Variants in ST6GALNAC3 observed in about 807,000 individuals in gnomAD.
ST6GALNAC3 encodes alpha-N-acetylgalactosaminide alpha-2,6-sialyltransferase 3.
ST6GALNAC3 carries 25 observed loss-of-function variants against 32.7 expected under a neutral mutation model. That is an observed-to-expected ratio of 0.76 (90% CI 0.56 to 1.07). ST6GALNAC3 has a LOEUF of 1.07. Among genes scored for constraint, ST6GALNAC3 ranks in the 50% least tolerant of loss-of-function variants. The pLI is 0.00. For synonymous variants in ST6GALNAC3, 129 were observed against 133.1 expected, an observed-to-expected ratio of 0.97 and a Z score of 0.21; for missense variants, 355 against 382.4, an observed-to-expected ratio of 0.93 and a Z score of 0.60.
rs1257086285 is a variant in ST6GALNAC3, at chr1:76,509,810, T to C, written c.623+97393T>C. 6.6e-6 allele frequency among the ~76,000 whole-genome samples: 1 copy of C among 152,138 alleles called. No homozygotes were observed. The highest frequency in any genetic ancestry group is 1.5e-5 in the Non-Finnish European group (1 of 68,022). On this transcript the variant is annotated intron_variant, in intron 3 of 4. Coordinates refer to ENST00000328299, the MANE Select transcript of ST6GALNAC3 (RefSeq NM_152996.4). The surrounding 1 kb of genome is among the most constrained non-coding windows in gnomAD (Gnocchi z 5.5). ...CACATATCTTTTCCTCACATTGCTG[T>C]TTCTCTATTTCTCTTTTAAGGACCC...
intron 1 of ST6GALNAC3, among the ~76,000 whole-genome samples, chr1:76,285,262 G>C (rs760967357): frequency 6.6e-6 from 1 of 152,182 alleles, no homozygotes; most frequent in African/African-American, 2.4e-5. Context: ...TCTGTGAGAA[G>C]TAAAAGAATG....
At chr1:76,361,716 T>C (rs892230725) in intron 2 of ST6GALNAC3, among the ~76,000 whole-genome samples, 6 of 152,148 alleles carry the variant, frequency 3.9e-5, no homozygotes, top group Non-Finnish European at 4.4e-5. Context: ...TGGTGGCTTA[T>C]GCCTGTAATC....
chr1:76,611,304 A>G (rs542265087), intron 3 of ST6GALNAC3, among the ~76,000 whole-genome samples: 2 of 152,172 alleles, frequency 1.3e-5, no homozygotes, highest in East Asian at 3.9e-4. Context: ...AGTGTTCTCT[A>G]TTTGTTTCTT....
At chr1:76,391,564 C>A (rs1652560368) in intron 2 of ST6GALNAC3, among the ~76,000 whole-genome samples, 1 of 146,454 alleles carries the variant, frequency 6.8e-6, no homozygotes, top group Non-Finnish European at 1.5e-5. Context: ...TCCTTCCTTC[C>A]TTCCTTCCTC....
chr1:76,442,572 A>G (rs909004759), intron 3 of ST6GALNAC3, among the ~76,000 whole-genome samples: 18 of 152,178 alleles, frequency 1.2e-4, no homozygotes, highest in African/African-American at 4.1e-4. Flanking sequence ...GGAAAAAAGT[A>G]TTAGGTACTT....
At chr1:76,408,714 A>G (rs1654007793) in intron 2 of ST6GALNAC3, among the ~76,000 whole-genome samples, 1 of 151,714 alleles carries the variant, frequency 6.6e-6, no homozygotes, top group South Asian at 2.1e-4. Context: ...AGGAAATCCA[A>G]TGTAATTTGC....
intron 2 of ST6GALNAC3, among the ~76,000 whole-genome samples, chr1:76,381,466 G>T (rs572759685): frequency 6.6e-6 from 1 of 152,136 alleles, no homozygotes; most frequent in African/African-American, 2.4e-5. Flanking sequence ...CTATTATTTA[G>T]TGATGTCTGC....
downstream of ST6GALNAC3, chr1:76,636,877 C>G (rs1313317842): frequency 6.6e-6 from 1 of 152,188 alleles, no homozygotes; most frequent in African/African-American, 2.4e-5. Context: ...CCAATGTTTA[C>G]CTTCTTTCAG....
chr1:76,566,970 A>G (rs1319647837), intron 3 of ST6GALNAC3, among the ~76,000 whole-genome samples: 1 of 152,156 alleles, frequency 6.6e-6, no homozygotes, highest in African/African-American at 2.4e-5. Flanking sequence ...GTGAATTCCA[A>G]ACAGTTGGCC....
chr1:76,484,398 T>A (rs2101667291), intron 3 of ST6GALNAC3, among the ~76,000 whole-genome samples: 1 of 152,348 alleles, frequency 6.6e-6, no homozygotes, highest in South Asian at 2.1e-4. Context: ...TTTATTTCGT[T>A]GAGCAGTGGT....
chr1:76,621,211 A>T (rs527425882), intron 3 of ST6GALNAC3, among the ~76,000 whole-genome samples: 1 of 152,040 alleles, frequency 6.6e-6, no homozygotes, highest in Non-Finnish European at 1.5e-5. Flanking sequence ...TTCACAGTCC[A>T]AGTGCCTACT....
chr1:76,287,055 A>G (rs1363417699), intron 1 of ST6GALNAC3, among the ~76,000 whole-genome samples: 1 of 151,454 alleles, frequency 6.6e-6, no homozygotes, highest in Non-Finnish European at 1.5e-5. Context: ...GAAGAAATTG[A>G]TGATAACTTT....
intron 1 of ST6GALNAC3, among the ~76,000 whole-genome samples, chr1:76,085,209 TA>T (rs2100732801): frequency 6.6e-6 from 1 of 152,366 alleles, no homozygotes; most frequent in Non-Finnish European, 1.5e-5. Context: ...TTATTCACCA[TA>T]TCTGCTTTCA....
chr1:76,408,297 A>T (rs1653976380), intron 2 of ST6GALNAC3, among the ~76,000 whole-genome samples: 1 of 152,088 alleles, frequency 6.6e-6, no homozygotes, highest in Admixed American at 6.6e-5. Flanking sequence ...GGCTAGGCAA[A>T]ACTATTACCC....
chr1:76,288,992 C>T (rs1659931337), intron 1 of ST6GALNAC3, among the ~76,000 whole-genome samples: 1 of 152,226 alleles, frequency 6.6e-6, no homozygotes, highest in Middle Eastern at 3.2e-3. Context: ...CAAAGTACGT[C>T]TCATGCCATT....
intron 2 of ST6GALNAC3, among the ~76,000 whole-genome samples, chr1:76,368,884 C>A (rs373301596): frequency 6.6e-6 from 1 of 152,120 alleles, no homozygotes; most frequent in African/African-American, 2.4e-5. Flanking sequence ...GCCATTTGGG[C>A]AGTCTGTGTC....
intron 3 of ST6GALNAC3, among the ~76,000 whole-genome samples, chr1:76,508,252 C>A (rs1661603569): frequency 7.9e-5 from 12 of 152,128 alleles, no homozygotes; most frequent in Admixed American, 7.9e-4. Context: ...AGGATTCGTG[C>A]TCCTGTGAGA....
chr1:76,531,387 G>C (rs994617118), intron 3 of ST6GALNAC3, among the ~76,000 whole-genome samples: 2 of 152,036 alleles, frequency 1.3e-5, no homozygotes, highest in African/African-American at 4.8e-5. Context: ...AAACATCACG[G>C]GAACTACACT....
Position 76,412,078 on chromosome 1 carries a change from G to C in ST6GALNAC3, c.284G>C (p.Gly95Ala). 1 of 1,613,444 alleles carries C rather than the reference G, an allele frequency of 6.2e-7. No homozygotes were observed. The highest frequency in any genetic ancestry group is 8.5e-7 in the Non-Finnish European group (1 of 1,179,668). The change falls in exon 3 of 5, where the codon GGA becomes GCA. Residue 95 changes from glycine to alanine, a missense_variant. Gly to Ala is a moderately conservative substitution (Grantham distance 60). Transcript: ENST00000328299. ...GGTCAGATGGTTGGCCAGAAGGTGG[G>C]AAATGAGATAGATCGATCCTCCTGC... ...NSGQMVGQKV[G>A]NEIDRSSCIW...
Sources: allele counts gnomAD v4.1 joint callset (sites outside exome capture counted in the v4.1 genomes callset), GRCh38; gene constraint gnomAD v4.1.1; non-coding constraint Gnocchi (gnomAD v3.1); transcripts MANE v1.5; gene names NCBI Gene and HGNC (gene_info 2026-07-23, HGNC 2026-07-21).